Variants in KCNH1 observed in about 807,000 individuals in gnomAD.
The protein encoded by KCNH1 is potassium voltage-gated channel subfamily H member 1.
Under a neutral mutation model 69.2 loss-of-function variants are expected in KCNH1, and 27 were observed. The ratio of observed to expected loss-of-function variants is 0.39; its 90% CI spans 0.29 to 0.54. KCNH1 has a LOEUF of 0.54. Among genes scored for constraint, KCNH1 ranks in the 20% least tolerant of loss-of-function variants. KCNH1 has a pLI of 0.68. For missense variants in KCNH1, 798 were observed against 1,261.6 expected, an observed-to-expected ratio of 0.63 and a Z score of 5.57; for synonymous variants, 456 against 487.7, an observed-to-expected ratio of 0.93 and a Z score of 0.86.
chr1:210,822,827 C>T (rs1448740816), intron 7 of KCNH1, among the ~76,000 whole-genome samples: 1 of 152,096 alleles, frequency 6.6e-6, no homozygotes, highest in Non-Finnish European at 1.5e-5. Flanking sequence ...TCTGGGCTCC[C>T]AAAGTACTTT....
chr1:210,937,269 T>C (rs1209052511), intron 6 of KCNH1, among the ~76,000 whole-genome samples: 1 of 152,234 alleles, frequency 6.6e-6, no homozygotes, highest in Non-Finnish European at 1.5e-5. Context: ...CTTCAGCACT[T>C]GACACTTGTA....
At chr1:210,833,553 A>C (rs918326864) in intron 7 of KCNH1, among the ~76,000 whole-genome samples, 2 of 152,222 alleles carry the variant, frequency 1.3e-5, no homozygotes. Flanking sequence ...TTAAAGACTT[A>C]AACGTTAGAC....
At chr1:210,782,055 C>A (rs1683997383) in intron 9 of KCNH1, among the ~76,000 whole-genome samples, 3 of 152,128 alleles carry the variant, frequency 2.0e-5, no homozygotes, top group African/African-American at 7.2e-5. Flanking sequence ...CAAAATATGC[C>A]CAAACCTCCT....
chr1:211,039,198 C>T (rs1043558979), intron 5 of KCNH1, among the ~76,000 whole-genome samples: 3 of 152,236 alleles, frequency 2.0e-5, no homozygotes, highest in African/African-American at 7.2e-5. Context: ...ATGGACACCC[C>T]AAGCCTTAGC....
intron 7 of KCNH1, among the ~76,000 whole-genome samples, chr1:210,876,987 G>T (rs1216545611): frequency 6.6e-6 from 1 of 151,110 alleles, no homozygotes; most frequent in Non-Finnish European, 1.5e-5. Flanking sequence ...TTACCGCTCA[G>T]CCTCAGAGAT....
At chr1:210,932,720 G>T (rs981270705) in intron 6 of KCNH1, among the ~76,000 whole-genome samples, 2 of 152,042 alleles carry the variant, frequency 1.3e-5, no homozygotes, top group Non-Finnish European at 2.9e-5. Context: ...ACTTATGTCA[G>T]ATAAAATAAA....
At chr1:210,808,237 G>C (rs1684627858) in intron 7 of KCNH1, among the ~76,000 whole-genome samples, 1 of 152,186 alleles carries the variant, frequency 6.6e-6, no homozygotes, top group African/African-American at 2.4e-5. Context: ...GAAAAGAGTA[G>C]ATGTGCCTCT....
chr1:210,909,569 C>G (rs537749331), intron 7 of KCNH1, among the ~76,000 whole-genome samples: 14 of 152,328 alleles, frequency 9.2e-5, no homozygotes, highest in Admixed American at 7.8e-4. Flanking sequence ...GGGCCCAGGA[C>G]TTAAGTACCT....
chr1:210,924,902 C>CA (rs77435503), intron 6 of KCNH1, among the ~76,000 whole-genome samples: 13,751 of 132,956 alleles, frequency 0.1, 757 homozygotes, highest in South Asian at 0.21. Context: ...TTGACTATAG[C>CA]AAAAAAAAAA....
chr1:210,874,274 C>A (rs1383653467), intron 7 of KCNH1, among the ~76,000 whole-genome samples: 4 of 152,170 alleles, frequency 2.6e-5, no homozygotes, highest in Admixed American at 6.5e-5. Context: ...TTAAACAGTG[C>A]TGAAGAAGCT....
At chr1:210,831,532 G>A (rs765892639) in intron 7 of KCNH1, among the ~76,000 whole-genome samples, 5 of 152,140 alleles carry the variant, frequency 3.3e-5, no homozygotes, top group Non-Finnish European at 7.3e-5. Context: ...AAATAGCTAT[G>A]AATAGATGCC....
chr1:210,759,483 T>G (rs763682259), intron 10 of KCNH1, among the ~76,000 whole-genome samples: 33 of 151,846 alleles, frequency 2.2e-4, no homozygotes, highest in Non-Finnish European at 4.0e-4. Flanking sequence ...AAAGCAAGAC[T>G]CTGGAATTGA....
chr1:210,913,297 A>G (rs2102552229), intron 7 of KCNH1, among the ~76,000 whole-genome samples: 1 of 152,358 alleles, frequency 6.6e-6, no homozygotes, highest in Admixed American at 6.5e-5. Context: ...AAATAAAAAT[A>G]AACCAAAAAT....
chr1:210,685,919 TCTAA>T (rs1681399513), intron 10 of KCNH1, among the ~76,000 whole-genome samples: 1 of 152,228 alleles, frequency 6.6e-6, no homozygotes, highest in South Asian at 2.1e-4. Context: ...ACGTCTATGC[TCTAA>T]CTTCTTGGTT....
intron 10 of KCNH1, among the ~76,000 whole-genome samples, chr1:210,733,250 A>G (rs1159567040): frequency 2.0e-5 from 3 of 152,224 alleles, no homozygotes; most frequent in Admixed American, 6.5e-5. Flanking sequence ...ACTCAATCAA[A>G]TGAGCTTAGG....
At chr1:210,955,026 C>T (rs12095263) in intron 6 of KCNH1, among the ~76,000 whole-genome samples, 44,844 of 151,920 alleles carry the variant, frequency 0.3, 7,753 homozygotes, top group East Asian at 0.46. Context: ...AGGGTTTTTA[C>T]GGTTTTAGGT....
At chr1:210,750,808 C>G (rs138999047) in intron 10 of KCNH1, among the ~76,000 whole-genome samples, 158 of 152,258 alleles carry the variant, frequency 1.0e-3, no homozygotes, top group African/African-American at 3.7e-3. Context: ...CCAGAGCAAA[C>G]TGGATGGGCA....
chr1:210,714,397 T>C (rs17016764), intron 10 of KCNH1, among the ~76,000 whole-genome samples: 17,138 of 152,232 alleles, frequency 0.11, 1,259 homozygotes, highest in African/African-American at 0.2. Flanking sequence ...CTTCCTGTTT[T>C]GTTTTTTGCC....
At chr1:210,957,703 TA>T (rs1368176988) in intron 6 of KCNH1, among the ~76,000 whole-genome samples, 27 of 152,210 alleles carry the variant, frequency 1.8e-4, no homozygotes, top group Non-Finnish European at 3.4e-4. Flanking sequence ...TTTTTTGGTT[TA>T]AAGTCTGTTT....
Sources: gnomAD v4.1 joint callset for allele counts (sites outside exome capture counted in the v4.1 genomes callset) on GRCh38, gnomAD v4.1.1 for gene constraint, MANE v1.5 for transcripts, NCBI Gene and HGNC (gene_info 2026-07-23, HGNC 2026-07-21) for gene names.